EPB41L4A: variants seen among roughly 807,000 people sequenced by gnomAD.
EPB41L4A encodes the protein band 4.1-like protein 4A.
In EPB41L4A, 100 loss-of-function variants were observed where a neutral mutation model predicts 108.6. That is an observed-to-expected ratio of 0.92 (90% CI 0.78 to 1.09). The LOEUF (loss-of-function observed/expected upper bound fraction) is 1.09, where lower values mean the gene tolerates loss of function less well. EPB41L4A is among the 50% of genes least tolerant of loss of function. EPB41L4A has a pLI of 0.00. For synonymous variants in EPB41L4A, 319 were observed against 289.0 expected (o/e 1.10, Z -1.05); for missense variants, 1,030 against 842.7 (o/e 1.22, Z -2.75).
rs1291791392 is a variant in EPB41L4A, at chr5:112,259,910, G to C, written c.712C>G (p.Gln238Glu). The change falls in exon 8 of 23, where the codon CAA (glutamine) becomes GAA (glutamate). Residue 238 changes from glutamine (Q) to glutamate (E), a missense_variant. Coordinates refer to ENST00000261486, the MANE Select transcript of EPB41L4A (RefSeq NM_022140.5). Reference protein sequence around the residue: ...VGVVVYKNKKQVGKYFWPRIT... With the variant: ...VGVVVYKNKKEVGKYFWPRIT... ...ACCTACCAGAAATACTTCCCCACTT[G>C]CTTTTTATTCTTGTACACAACAACA... 6.2e-7 allele frequency: 1 copy of C among 1,613,686 alleles called. No homozygotes were observed. The highest frequency in any genetic ancestry group is 1.3e-5 in the African/African-American group (1 of 74,988).
chr5:112,285,380 C>G (rs1753221365), intron 2 of EPB41L4A, among the ~76,000 whole-genome samples: 1 of 152,120 alleles, frequency 6.6e-6, no homozygotes, highest in African/African-American at 2.4e-5. Context: ...TTCTAGGACT[C>G]AACATAATTC....
At position 112,164,729 on chromosome 5, in the gene EPB41L4A, G is replaced by C. The variant is rs1760121298; in HGVS notation, c.*261C>G. The stretch of plus-strand genomic sequence containing the variant: ...GCACGCCTGTAATCCCAGCTGCTCG[G>C]GAGCCTGAGACAGGAGAATCGCTTA... On this transcript the variant is annotated 3_prime_UTR_variant, in exon 23 of 23. Coordinates refer to ENST00000261486, the MANE Select transcript of EPB41L4A (RefSeq NM_022140.5). The C allele has an allele frequency of 4.1e-6, 1 of 243,274 alleles. No homozygotes were observed. Among genetic ancestry groups the C allele is most frequent in the African/African-American group, 2.3e-5 (1 of 44,022 alleles). 15.1% of individuals were successfully genotyped at this position (243,274 alleles called of 1,614,324 possible).
intron 12 of EPB41L4A, among the ~76,000 whole-genome samples, chr5:112,215,186 G>C (rs1393248427): frequency 6.6e-6 from 1 of 152,316 alleles, no homozygotes. Context: ...ATTAATAGAT[G>C]TGGTGGTACC....
intron 15 of EPB41L4A, chr5:112,196,594 T>C (rs1374724169): frequency 6.6e-6 from 1 of 152,254 alleles, no homozygotes; most frequent in East Asian, 1.9e-4. Context: ...TAATCCATCA[T>C]TTCAATAACA....
intron 12 of EPB41L4A, among the ~76,000 whole-genome samples, chr5:112,146,416 T>C (rs1759260137): frequency 6.6e-6 from 1 of 152,188 alleles, no homozygotes; most frequent in Non-Finnish European, 1.5e-5. Context: ...TAGTGCTGTT[T>C]GAGTAATTCT....
In EPB41L4A at chr5:112,149,800, A is replaced by G. The variant is rs2112799805; in HGVS notation, n.995-3802T>C. ...CGTCCTGAGAGGCCACAAATAAAAAATAACAGGAATCCAAAGCAAGTTCTG... is the reference window on the plus strand; with the variant it reads ...CGTCCTGAGAGGCCACAAATAAAAAGTAACAGGAATCCAAAGCAAGTTCTG... On this transcript the variant is annotated intron_variant and non_coding_transcript_variant, in intron 12 of 13. Coordinates refer to the EPB41L4A transcript ENST00000507810. Among the ~76,000 whole-genome samples the G allele has an allele frequency of 2.0e-5, 3 of 152,348 alleles. No individual in the cohort carries two copies. In the Middle Eastern group the frequency reaches 0.01, roughly 518 times the overall value.
exon 14 of EPB41L4A, chr5:112,143,793 C>T (rs1189042733): frequency 4.5e-6 from 2 of 446,082 alleles, no homozygotes; most frequent in Non-Finnish European, 9.0e-6. Flanking sequence ...ATACCTGAAC[C>T]AACCACAGCA....
chr5:112,319,140 AC>A (rs1469260739), intron 1 of EPB41L4A, among the ~76,000 whole-genome samples: 2 of 152,190 alleles, frequency 1.3e-5, no homozygotes, highest in Non-Finnish European at 2.9e-5. Flanking sequence ...GCCTGAAATA[AC>A]TTACTGCACC....
At chr5:112,270,082 A>T (rs1396907930) in intron 4 of EPB41L4A, among the ~76,000 whole-genome samples, 1 of 152,218 alleles carries the variant, frequency 6.6e-6, no homozygotes, top group Admixed American at 6.5e-5. Flanking sequence ...CAATTTAGCA[A>T]TTAGAGGCAA....
chr5:112,314,147 C>G (rs1254887406), intron 1 of EPB41L4A, among the ~76,000 whole-genome samples: 1 of 151,790 alleles, frequency 6.6e-6, no homozygotes, highest in South Asian at 2.1e-4. Flanking sequence ...CATGAGCCAC[C>G]GCACCTGGCC....
In EPB41L4A at chr5:112,380,783, T is replaced by TCACACACACA. The variant is rs1369682818; in HGVS notation, c.99+38157_99+38158insTGTGTGTGTG. ...AAAAGAGAAACCCATCCTCTGCACA[T>TCACACACACA]CACACACATACACACACACACACAC... On this transcript the variant is annotated intron_variant, in intron 1 of 22. Transcript: ENST00000261486. Among the ~76,000 whole-genome samples, 6 of 120,178 alleles carry TCACACACACA rather than the reference T, an allele frequency of 5.0e-5. No individual in the cohort carries two copies. In the South Asian group the frequency reaches 1.2e-3, roughly 24 times the overall value. 78.8% of individuals were successfully genotyped at this position (120,178 alleles called of 152,430 possible).
chr5:112,169,257 A>T, intron 20 of EPB41L4A, 152 bp from the exon 21 acceptor site: 1 of 631,098 alleles, frequency 1.6e-6, no homozygotes, highest in Admixed American at 2.9e-5. Context: ...AGTGACTTAA[A>T]TTTCACAAGA....
At chr5:112,189,824 A>G (rs897998792) in intron 17 of EPB41L4A, among the ~76,000 whole-genome samples, 7 of 152,206 alleles carry the variant, frequency 4.6e-5, no homozygotes, top group African/African-American at 1.7e-4. Flanking sequence ...AGGACTGCTG[A>G]TTTTCATCAA....
At chr5:112,350,628 CAA>C (rs1243705537) in intron 1 of EPB41L4A, among the ~76,000 whole-genome samples, 1 of 152,188 alleles carries the variant, frequency 6.6e-6, no homozygotes, top group East Asian at 1.9e-4. Context: ...TCATTCCCTG[CAA>C]GCTCCAAATA....
chr5:112,412,687 A>T (rs1008512084), intron 1 of EPB41L4A, among the ~76,000 whole-genome samples: 2 of 152,170 alleles, frequency 1.3e-5, no homozygotes, highest in African/African-American at 4.8e-5. Flanking sequence ...GTTAGTCATC[A>T]CAACCCAAAG....
intron 12 of EPB41L4A, among the ~76,000 whole-genome samples, chr5:112,212,097 T>A (rs77336708): frequency 2.0e-5 from 3 of 152,190 alleles, no homozygotes; most frequent in Non-Finnish European, 4.4e-5. Flanking sequence ...CCAGTCACCA[T>A]CTTAGTCAAT....
intron 12 of EPB41L4A, chr5:112,146,059 A>T: frequency 2.2e-6 from 1 of 450,114 alleles, no homozygotes; most frequent in Non-Finnish European, 4.5e-6. Flanking sequence ...CTCATGAAGT[A>T]GGTGCTACTG....
At chr5:112,147,914 C>G (rs1759322372) in intron 12 of EPB41L4A, among the ~76,000 whole-genome samples, 1 of 150,004 alleles carries the variant, frequency 6.7e-6, no homozygotes, top group Non-Finnish European at 1.5e-5. Context: ...TGGCACATGA[C>G]TTTAGTCCCA....
intron 1 of EPB41L4A, among the ~76,000 whole-genome samples, chr5:112,402,858 T>C (rs970037232): frequency 1.3e-5 from 2 of 152,166 alleles, no homozygotes; most frequent in African/African-American, 2.4e-5. Flanking sequence ...AATACATAAA[T>C]ATTGCTCATC....
Sources: allele counts gnomAD v4.1 joint callset (sites outside exome capture counted in the v4.1 genomes callset), GRCh38; gene constraint gnomAD v4.1.1; transcripts MANE v1.5; gene names NCBI Gene and HGNC (gene_info 2026-07-23, HGNC 2026-07-21).